MORC2: variants seen among roughly 807,000 people sequenced by gnomAD.
MORC2 encodes ATPase MORC2.
Under a neutral mutation model 136.0 loss-of-function variants are expected in MORC2, and 30 were observed. The ratio of observed to expected loss-of-function variants is 0.22; its 90% CI spans 0.17 to 0.30. The LOEUF is 0.30. MORC2 is among the 10% of genes least tolerant of loss of function. MORC2 has a pLI of 1.00. For missense variants in MORC2, 922 were observed against 1,333.1 expected, an observed-to-expected ratio of 0.69 and a Z score of 4.80; for synonymous variants, 439 against 487.0, an observed-to-expected ratio of 0.90 and a Z score of 1.30.
intron 25 of MORC2, 92 bp downstream of exon 25, chr22:30,927,927 G>C (rs1351621585): frequency 6.8e-7 from 1 of 1,467,082 alleles, no homozygotes; most frequent in African/African-American, 1.4e-5. Context: ...CCTGTGAGTG[G>C]ATAGATTCTT....
chr22:30,939,668 C>A lies in MORC2; in HGVS notation c.1026G>T (p.Leu342=). The A allele has an allele frequency of 6.2e-6, 10 of 1,614,198 alleles. No homozygotes were observed. The highest frequency in any genetic ancestry group is 3.3e-4 in the Middle Eastern group (2 of 6,062). Residue 342 remains leucine, a synonymous_variant, in exon 12 of 26, where the codon CTG becomes CTT. Coordinates refer to ENST00000397641, the MANE Select transcript of MORC2 (RefSeq NM_001303256.3). ...LRQVQNRAIT[L]RREADVKKRI... ...TCTTCTTGACATCGGCTTCTCTGCG[C>A]AGAGTGATGGCTCTGTTCTGGACCT...
At chr22:30,946,558 C>T in intron 5 of MORC2, 109 bp from the exon 6 acceptor site, 1 of 902,416 alleles carries the variant, frequency 1.1e-6, no homozygotes, top group Non-Finnish European at 1.7e-6. Context: ...GAGGGCTCTC[C>T]TAAAGGCCCC....
chr22:30,966,552 A>T (rs1038261811), intron 1 of MORC2, among the ~76,000 whole-genome samples: 1 of 152,174 alleles, frequency 6.6e-6, no homozygotes, highest in Non-Finnish European at 1.5e-5. Context: ...AGGTGGGTGG[A>T]TCACCTGAAG....
chr22:30,950,246 C>A (rs984290877), intron 4 of MORC2, 131 bp downstream of exon 4: 17 of 914,542 alleles, frequency 1.9e-5, no homozygotes, highest in Non-Finnish European at 2.7e-5. Flanking sequence ...CAACAGACTT[C>A]TTACTCCCCA....
At chr22:30,952,662 A>C (rs2040908045) in intron 3 of MORC2, among the ~76,000 whole-genome samples, 1 of 152,256 alleles carries the variant, frequency 6.6e-6, no homozygotes, top group Admixed American at 6.5e-5. Context: ...TGACTTCTTC[A>C]ACTTTGTAAA....
At chr22:30,965,292 A>C (rs746494135) in intron 1 of MORC2, among the ~76,000 whole-genome samples, 13 of 152,230 alleles carry the variant, frequency 8.5e-5, no homozygotes, top group Non-Finnish European at 4.4e-5. Flanking sequence ...AACAAAGGAG[A>C]AGAGAGACAA....
In MORC2 at chr22:30,937,778, G is replaced by A. The variant is rs754424368; in HGVS notation, c.1369+37C>T. On this transcript the variant is annotated intron_variant, in intron 14 of 25. Transcript: ENST00000397641. This position sits in a 1 kb window ranked among gnomAD's most constrained non-coding sequence, Gnocchi z 4.7. Reference sequence around the variant, plus strand: ...CTCTCTCTCCCTACATTCAGGTGAAGAGAAAAGGCAGAGGCCCAGCAGCCC... The same window carrying A: ...CTCTCTCTCCCTACATTCAGGTGAAAAGAAAAGGCAGAGGCCCAGCAGCCC... 1 of 1,614,060 alleles carries A rather than the reference G, an allele frequency of 6.2e-7. No homozygotes were observed. Among genetic ancestry groups the A allele is most frequent in the Admixed American group, 1.7e-5 (1 of 60,028 alleles).
Position 30,934,298 on chromosome 22 carries a change from T to G in MORC2, c.2194-107A>C, listed in dbSNP as rs1569189920. 1 of 1,455,354 alleles carries G rather than the reference T, an allele frequency of 6.9e-7. No homozygotes were observed. The highest frequency in any genetic ancestry group is 1.4e-5 in the African/African-American group (1 of 71,204). The allele number at this position is 1,455,354 out of a possible 1,614,324, so 90.2% of individuals were successfully genotyped here. A position where few individuals can be genotyped will look rare whatever the true frequency, so the allele number is the denominator to read the frequency against. On this transcript the variant is annotated intron_variant, in intron 19 of 25. Coordinates refer to ENST00000397641, the MANE Select transcript of MORC2 (RefSeq NM_001303256.3). This position sits in a 1 kb window ranked among gnomAD's most constrained non-coding sequence, Gnocchi z 4.4. ...TCGTTCCAAGAGGAGCTGTACTCCC[T>G]GCAATCCCTGCCTGACATTACTTGG...
chr22:30,928,341 G>T, intron 24 of MORC2, 134 bp from the exon 25 acceptor site: 1 of 794,824 alleles, frequency 1.3e-6, no homozygotes, highest in Non-Finnish European at 2.1e-6. Context: ...AGATACAAAG[G>T]GCAAACAGCC....
In MORC2 at chr22:30,928,010, C is replaced by A. The variant is rs200086094; in HGVS notation, c.3030+9G>T. 9 of 1,612,408 alleles carry A rather than the reference C, an allele frequency of 5.6e-6. No individual in the cohort carries two copies. The highest frequency in any genetic ancestry group is 6.8e-6 in the Non-Finnish European group (8 of 1,179,938). ...GGTCCAGCTGCAACAGGAAGGCTGC[C>A]GGGCTCACCTCCTGCACCTTTTGCA... On this transcript the variant is annotated intron_variant, in intron 25 of 25. Transcript: ENST00000397641.
At position 30,946,449 on chromosome 22, in the gene MORC2, C is replaced by T. The variant is rs765313173; in HGVS notation, c.318G>A (p.Ser106=). The change falls in exon 6 of 26, where the codon TCG becomes TCA. Residue 106 remains serine, a splice_region_variant and synonymous_variant. Transcript: ENST00000397641. ...QIGQYGNGLK[S]GSMRIGKDFI... is the part of the protein sequence containing the mutation. Reference sequence around the variant, plus strand: ...AATCCTTCCCAATGCGCATTGAGCCCCTGAAAAGGAAACAGAAATGGGTGT... The same window carrying T: ...AATCCTTCCCAATGCGCATTGAGCCTCTGAAAAGGAAACAGAAATGGGTGT... 1.2e-6 allele frequency: 2 copies of T among 1,604,908 alleles called. No individual in the cohort carries two copies. Among genetic ancestry groups the T allele is most frequent in the South Asian group, 2.2e-5 (2 of 89,082 alleles).
At position 30,968,450 on chromosome 22, in the gene MORC2, TCAC is replaced by T. The variant is rs1243271433; in HGVS notation, c.-564_-562del. ...GTGTTATATGGCGCAAGTTGCAGCT[TCAC>T]CACCTCCCAAGTGAAAAAGCTCCTA... On this transcript the variant is annotated 5_prime_UTR_variant, in exon 1 of 26. Coordinates refer to ENST00000397641, the MANE Select transcript of MORC2 (RefSeq NM_001303256.3). Among the ~76,000 whole-genome samples the T allele has an allele frequency of 6.6e-6, 1 of 152,172 alleles. No homozygotes were observed. Among genetic ancestry groups the T allele is most frequent in the East Asian group, 1.9e-4 (1 of 5,190 alleles).
Position 30,934,652 on chromosome 22 carries a change from CA to C in MORC2, c.2193+128del. On this transcript the variant is annotated intron_variant, in intron 19 of 25. Coordinates refer to ENST00000397641, the MANE Select transcript of MORC2 (RefSeq NM_001303256.3). The surrounding 1 kb of genome is among the most constrained non-coding windows in gnomAD (Gnocchi z 4.4). ...TTCAGCTATCAAGGCTTCCCGTCCTCAGGGGCAGCAGCAAAGCTTTAGATTC... is the reference window on the plus strand; with the variant it reads ...TTCAGCTATCAAGGCTTCCCGTCCTCGGGGCAGCAGCAAAGCTTTAGATTC... 7.5e-7 allele frequency: 1 copy of C among 1,337,158 alleles called. No homozygotes were observed. The highest frequency in any genetic ancestry group is 1.0e-6 in the Non-Finnish European group (1 of 977,338). 82.8% of individuals were successfully genotyped at this position (1,337,158 alleles called of 1,614,324 possible).
intron 16 of MORC2, 63 bp downstream of exon 16, chr22:30,936,868 AG>A: frequency 6.7e-7 from 1 of 1,489,344 alleles, no homozygotes; most frequent in Non-Finnish European, 9.3e-7. Flanking sequence ...ACTGACCTCA[AG>A]AAACACAGTG....
At chr22:30,967,687 T>G in intron 1 of MORC2, 135 bp downstream of exon 1, 1 of 1,476,304 alleles carries the variant, frequency 6.8e-7, no homozygotes, top group Non-Finnish European at 9.0e-7. Context: ...GAGCTCAAGA[T>G]ATCCAGTGAC....
chr22:30,945,156 A>G (rs2040797593), intron 6 of MORC2, among the ~76,000 whole-genome samples: 2 of 152,178 alleles, frequency 1.3e-5, no homozygotes, highest in South Asian at 4.1e-4. Flanking sequence ...TCAGTCCTGT[A>G]TCAGGAAACA....
At chr22:30,940,171 C>T (rs1415837192) in intron 10 of MORC2, 130 bp from the exon 11 acceptor site, 4 of 895,340 alleles carry the variant, frequency 4.5e-6, no homozygotes, top group South Asian at 1.6e-5. Context: ...GGAGCTATGG[C>T]TGGTGAGCAA....
Position 30,967,635 on chromosome 22 carries a change from G to C in MORC2, c.68+187C>G, listed in dbSNP as rs528205263. ...AATAAACAAAAATCAGATTCTTCTG[G>C]ATTAGCAACAAGTATTTCACTGATC... is the stretch of plus-strand genomic sequence containing the variant. On this transcript the variant is annotated intron_variant, in intron 1 of 25. Coordinates refer to ENST00000397641, the MANE Select transcript of MORC2 (RefSeq NM_001303256.3). The C allele has an allele frequency of 8.4e-5, 116 of 1,377,826 alleles. 2 individuals carry two copies. In the African/African-American group the frequency reaches 1.5e-3, roughly 18 times the overall value. The allele number at this position is 1,377,826 out of a possible 1,614,324, so 85.4% of individuals were successfully genotyped here.
rs2040587169 is a variant in MORC2, at chr22:30,932,307, G to C, written c.2841+52C>G. On this transcript the variant is annotated intron_variant, in intron 24 of 25. Coordinates refer to ENST00000397641, the MANE Select transcript of MORC2 (RefSeq NM_001303256.3). The surrounding 1 kb of genome is among the most constrained non-coding windows in gnomAD (Gnocchi z 4.4). ...TCACAACAGTTACAACAAATGCAGG[G>C]GCAGGGGTGGGGGAATGAAGAGTGT... is the stretch of plus-strand genomic sequence containing the variant. The C allele has an allele frequency of 1.4e-6, 2 of 1,416,950 alleles. No individual in the cohort carries two copies. Among genetic ancestry groups the C allele is most frequent in the African/African-American group, 1.4e-5 (1 of 70,580 alleles). 87.8% of individuals were successfully genotyped at this position (1,416,950 alleles called of 1,614,324 possible). A position where few individuals can be genotyped will look rare whatever the true frequency, so the allele number is the denominator to read the frequency against.
Sources: gnomAD v4.1 joint callset for allele counts (sites outside exome capture counted in the v4.1 genomes callset) on GRCh38, gnomAD v4.1.1 for gene constraint, Gnocchi (gnomAD v3.1) non-coding constraint, MANE v1.5 for transcripts, NCBI Gene and HGNC (gene_info 2026-07-23, HGNC 2026-07-21) for gene names.